Variants in MROH2B observed in about 807,000 individuals in gnomAD.
MROH2B encodes maestro heat like repeat family member 2B.
Under a neutral mutation model 208.6 loss-of-function variants are expected in MROH2B, and 177 were observed. That is an observed-to-expected ratio of 0.85 (90% CI 0.75 to 0.96). The LOEUF (loss-of-function observed/expected upper bound fraction) is 0.96, where lower values mean the gene tolerates loss of function less well. MROH2B is among the 40% of genes least tolerant of loss of function. The pLI is 0.00. For missense variants in MROH2B, 2,002 were observed against 1,878.7 expected, an observed-to-expected ratio of 1.07 and a Z score of -1.21; for synonymous variants, 728 against 659.0, an observed-to-expected ratio of 1.10 and a Z score of -1.60.
chr5:41,037,383 G>A lies in MROH2B; in HGVS notation c.2214+1353C>T, dbSNP rs117378615. Among the ~76,000 whole-genome samples the A allele has an allele frequency of 2.7e-3, 415 of 152,166 alleles. 3 individuals carry two copies. The East Asian group carries it at 0.061, about 22-fold the overall frequency. ...TCATCACTGCTTCTCAGATTTTGGGGGCATCAGAATCAACTCTTGAGGAGC... is the reference window on the plus strand; with the variant it reads ...TCATCACTGCTTCTCAGATTTTGGGAGCATCAGAATCAACTCTTGAGGAGC... On this transcript the variant is annotated intron_variant, in intron 21 of 41. Transcript: ENST00000399564.
rs987019075 is a variant in MROH2B at position 41,026,866 on chromosome 5, C to T, written c.2441+5876G>A. On this transcript the variant is annotated intron_variant, in intron 24 of 41. Coordinates refer to ENST00000399564, the MANE Select transcript of MROH2B (RefSeq NM_173489.5). ...TATAGACCAATGGAATGGAACAGAGCCCTCAGAAATAATACCACACATTTA... is the reference window on the plus strand; with the variant it reads ...TATAGACCAATGGAATGGAACAGAGTCCTCAGAAATAATACCACACATTTA... Among the ~76,000 whole-genome samples the T allele has an allele frequency of 2.0e-5, 3 of 151,978 alleles. No homozygotes were observed. The East Asian group carries it at 5.8e-4, about 29-fold the overall frequency.
At chr5:41,070,746 GC>G in intron 1 of MROH2B, 78 bp downstream of exon 1, 1 of 1,456,462 alleles carries the variant, frequency 6.9e-7, no homozygotes, top group Non-Finnish European at 9.5e-7. Context: ...GCCACTCCCA[GC>G]CCTCATATAT....
In MROH2B at chr5:41,009,326, A is replaced by G. The variant is rs1235573337; in HGVS notation, c.3374T>C (p.Leu1125Pro). The G allele has an allele frequency of 3.7e-6, 6 of 1,613,900 alleles. No individual in the cohort carries two copies. The highest frequency in any genetic ancestry group is 4.2e-6 in the Non-Finnish European group (5 of 1,179,810). Residue 1125 changes from leucine to proline, a missense_variant, in exon 32 of 42, where the codon CTG (leucine) becomes CCG (proline). Coordinates refer to ENST00000399564, the MANE Select transcript of MROH2B (RefSeq NM_173489.5). ...GKLLQALIDKLETELEDDIAR... is the reference protein window; with the variant it reads ...GKLLQALIDKPETELEDDIAR... ...GATGTCATCTTCTAACTCAGTCTCCAGTTTGTCTATTAAGGCTTGCAAGAG... is the reference window on the plus strand; with the variant it reads ...GATGTCATCTTCTAACTCAGTCTCCGGTTTGTCTATTAAGGCTTGCAAGAG...
chr5:41,035,471 G>T (rs1579935334), intron 21 of MROH2B, among the ~76,000 whole-genome samples: 1 of 152,048 alleles, frequency 6.6e-6, no homozygotes, highest in South Asian at 2.1e-4. Context: ...TGACAAGTGG[G>T]ATCTAATTAA....
intron 37 of MROH2B, 89 bp from the exon 38 acceptor site, chr5:41,000,922 C>T: frequency 7.2e-7 from 1 of 1,390,020 alleles, no homozygotes; most frequent in Non-Finnish European, 9.6e-7. Flanking sequence ...ACCCTTCCCG[C>T]TTCAGCAAAA....
chr5:41,048,163 C>T (rs1484693826), intron 16 of MROH2B, 161 bp downstream of exon 16: 17 of 768,858 alleles, frequency 2.2e-5, no homozygotes, highest in Non-Finnish European at 3.2e-5. Flanking sequence ...AGAAACAGAA[C>T]ATAAGGAGTT....
chr5:41,001,886 T>C (rs1741410279), intron 37 of MROH2B, among the ~76,000 whole-genome samples: 1 of 151,904 alleles, frequency 6.6e-6, no homozygotes, highest in Non-Finnish European at 1.5e-5. Context: ...TAGTTTAAAA[T>C]ACCCATATGA....
chr5:41,024,902 C>A (rs1742295618), intron 24 of MROH2B, among the ~76,000 whole-genome samples: 1 of 152,164 alleles, frequency 6.6e-6, no homozygotes. Flanking sequence ...TGCTCAACTA[C>A]ATGGAAACTG....
At chr5:41,020,290 T>A (rs1251061250) in intron 24 of MROH2B, among the ~76,000 whole-genome samples, 1 of 152,208 alleles carries the variant, frequency 6.6e-6, no homozygotes, top group Non-Finnish European at 1.5e-5. Context: ...CAGACAGTTT[T>A]AAATGACATA....
intron 6 of MROH2B, 162 bp from the exon 7 acceptor site, chr5:41,058,365 T>A: frequency 1.5e-6 from 1 of 684,612 alleles, no homozygotes; most frequent in Non-Finnish European, 2.2e-6. Context: ...ATGTTCAGGT[T>A]AAGATCATTG....
Position 41,048,422 on chromosome 5 carries a change from C to T in MROH2B, c.1586G>A (p.Gly529Asp). ...CAGTATCTTCAAAAGCCCTATTGCA[C>T]CAGCCCCACGTAACTCCCCTAAACT... is the stretch of plus-strand genomic sequence containing the variant. Reference protein sequence around the residue: ...PASLGELRGAGAIGLLKILPE... With the variant: ...PASLGELRGADAIGLLKILPE... The change falls in exon 16 of 42, where the codon GGT (glycine) becomes GAT (aspartate). Residue 529 changes from glycine (G) to aspartate (D), a missense_variant. Coordinates refer to ENST00000399564, the MANE Select transcript of MROH2B (RefSeq NM_173489.5). 2 of 1,613,552 alleles carry T rather than the reference C, an allele frequency of 1.2e-6. No individual in the cohort carries two copies. The highest frequency in any genetic ancestry group is 1.7e-4 in the Middle Eastern group (1 of 6,058).
rs762168194 is a variant in MROH2B, at chr5:41,012,638, C to G, written c.3080G>C (p.Cys1027Ser). Reference protein sequence around the residue: ...ESLNPTCTKACGIWMITVLKQ... With the variant: ...ESLNPTCTKASGIWMITVLKQ... The stretch of plus-strand genomic sequence containing the variant: ...CAGGACAGTGATCATCCATATGCCA[C>G]AGGCCTTTGTACAAGTGGGGTTGAG... Residue 1027 changes from cysteine to serine, a missense_variant, in exon 30 of 42, where the codon TGT becomes TCT. Coordinates refer to ENST00000399564, the MANE Select transcript of MROH2B (RefSeq NM_173489.5). The G allele has an allele frequency of 3.1e-6, 5 of 1,613,892 alleles. No individual in the cohort carries two copies. Among genetic ancestry groups the G allele is most frequent in the Non-Finnish European group, 4.2e-6 (5 of 1,179,798 alleles).
intron 13 of MROH2B, among the ~76,000 whole-genome samples, chr5:41,050,169 G>A (rs991011075): frequency 6.6e-6 from 1 of 152,114 alleles, no homozygotes; most frequent in Non-Finnish European, 1.5e-5. Context: ...GTCTACTCAT[G>A]TGTGAATCTA....
intron 21 of MROH2B, among the ~76,000 whole-genome samples, chr5:41,034,667 T>C (rs1347616109): frequency 6.6e-6 from 1 of 152,106 alleles, no homozygotes; most frequent in African/African-American, 2.4e-5. Context: ...AAGATTCCTA[T>C]TCACTGGCAA....
chr5:41,065,241 C>T, intron 4 of MROH2B, 90 bp downstream of exon 4: 1 of 1,232,368 alleles, frequency 8.1e-7, no homozygotes, highest in Non-Finnish European at 1.1e-6. Flanking sequence ...GGCAGAGATG[C>T]TATCTCTTCT....
chr5:41,031,624 A>T (rs1185425122), intron 24 of MROH2B, among the ~76,000 whole-genome samples: 1 of 151,898 alleles, frequency 6.6e-6, no homozygotes, highest in Non-Finnish European at 1.5e-5. Context: ...CAGACGGTAC[A>T]TGTGTGGGTT....
chr5:41,062,036 A>T (rs1398523249), intron 5 of MROH2B, among the ~76,000 whole-genome samples: 1 of 149,138 alleles, frequency 6.7e-6, no homozygotes, highest in African/African-American at 2.6e-5. Context: ...ACTTTGCAGA[A>T]CTCTTTGGCA....
chr5:41,016,769 C>G (rs6870109), intron 28 of MROH2B, among the ~76,000 whole-genome samples: 71,852 of 151,542 alleles, frequency 0.47, 17,125 homozygotes, highest in African/African-American at 0.51. Context: ...GGTGACCCAC[C>G]ACGTCCAGCC....
chr5:41,025,763 T>A (rs1742334872), intron 24 of MROH2B, among the ~76,000 whole-genome samples: 1 of 152,186 alleles, frequency 6.6e-6, no homozygotes, highest in African/African-American at 2.4e-5. Context: ...ATATCCCTGA[T>A]GAACATCAAT....
Sources: allele counts gnomAD v4.1 joint callset (sites outside exome capture counted in the v4.1 genomes callset), GRCh38; gene constraint gnomAD v4.1.1; transcripts MANE v1.5; gene names NCBI Gene and HGNC (gene_info 2026-07-23, HGNC 2026-07-21).